LOXHD1: variants seen among roughly 807,000 people sequenced by gnomAD.
The protein encoded by LOXHD1 is lipoxygenase homology domain-containing protein 1.
Under a neutral mutation model 248.2 loss-of-function variants are expected in LOXHD1, and 205 were observed. The ratio of observed to expected loss-of-function variants is 0.83; its 90% confidence interval spans 0.74 to 0.93. LOXHD1 has a LOEUF of 0.93. LOXHD1 is among the 40% of genes least tolerant of loss of function. The pLI is 0.00. For missense variants in LOXHD1, 2,930 were observed against 2,971.6 expected, an observed-to-expected ratio of 0.99 and a Z score of 0.33; for synonymous variants, 1,113 against 1,162.8, an observed-to-expected ratio of 0.96 and a Z score of 0.87.
chr18:46,542,711 G>C lies in LOXHD1; in HGVS notation c.3748+16C>G. 3 of 1,551,428 alleles carry C rather than the reference G, an allele frequency of 1.9e-6. No homozygotes were observed. Among genetic ancestry groups the C allele is most frequent in the Non-Finnish European group, 2.6e-6 (3 of 1,146,964 alleles). On this transcript the variant is annotated intron_variant, in intron 24 of 40. Transcript: ENST00000642948. ...CTTAAAGTCTTAGCAAGGAACAGAGGGGAGGGAAGCCACACCTGTGTTGTC... is the reference window on the plus strand; with the variant it reads ...CTTAAAGTCTTAGCAAGGAACAGAGCGGAGGGAAGCCACACCTGTGTTGTC...
Position 46,477,803 on chromosome 18 carries a change from T to C in LOXHD1, c.6491A>G (p.Tyr2164Cys), listed in dbSNP as rs1169187449. The C allele has an allele frequency of 6.4e-7, 1 of 1,551,856 alleles. No individual in the cohort carries two copies. The highest frequency in any genetic ancestry group is 8.7e-7 in the Non-Finnish European group (1 of 1,147,026). ...GGCATCAGTGCCTGCCCCTGGCTCA[T>C]AGCCTGTTGTCACGATGACTTCGTA... ...VKYEVIVTTG[Y>C]EPGAGTDANV... is the part of the protein sequence containing the mutation. Residue 2164 changes from tyrosine (Y) to cysteine (C), a missense_variant, in exon 41 of 41, where the codon TAT becomes TGT. Physicochemically the swap from Tyr to Cys is radical, Grantham distance 194 (BLOSUM62 -2). Coordinates refer to ENST00000642948, the MANE Select transcript of LOXHD1 (RefSeq NM_001384474.1).
intron 11 of LOXHD1, 30 bp downstream of exon 11, chr18:46,592,468 C>A (rs549384608): frequency 6.6e-7 from 1 of 1,523,662 alleles, no homozygotes; most frequent in Admixed American, 2.0e-5. Context: ...TTCCCAACAA[C>A]CTCCCAAACC....
Position 46,560,436 on chromosome 18 carries a change from A to C in LOXHD1, c.2708T>G (p.Val903Gly), listed in dbSNP as rs375940400. 2.6e-6 allele frequency: 4 copies of C among 1,545,244 alleles called. No homozygotes were observed. The African/African-American group carries it at 5.5e-5, about 21-fold the overall frequency. ...VDTVWLRHLV[V>G]REVDLTPEEE... is the part of the protein sequence containing the mutation. ...CTCCGGCGTGAGGTCCACCTCCCGCACCACCAGGTGCCGCAGCCACACGGT... is the reference window on the plus strand; with the variant it reads ...CTCCGGCGTGAGGTCCACCTCCCGCCCCACCAGGTGCCGCAGCCACACGGT... Residue 903 changes from valine (V) to glycine (G), a missense_variant, in exon 19 of 41, where the codon GTG (valine) becomes GGG (glycine). Val to Gly is a moderately radical substitution (Grantham distance 109). Transcript: ENST00000642948.
At chr18:46,484,907 T>C (rs772839900) in intron 39 of LOXHD1, 112 bp downstream of exon 39, 14 of 1,317,840 alleles carry the variant, frequency 1.1e-5, no homozygotes, top group Non-Finnish European at 1.4e-5. Flanking sequence ...CAGTAAGTAC[T>C]TGCTGGTTAG....
At position 46,591,019 on chromosome 18, in the gene LOXHD1, C is replaced by T. The variant is rs201497988; in HGVS notation, c.1654+914G>A. Among the ~76,000 whole-genome samples the T allele has an allele frequency of 5.9e-5, 9 of 152,274 alleles. No individual in the cohort carries two copies. In the East Asian group the frequency reaches 1.3e-3, roughly 23 times the overall value. ...GGTTTCTATGTTTATGAGTATTTAA[C>T]TCTGATCAAACTGTTTCAACAAATA... On this transcript the variant is annotated intron_variant, in intron 12 of 40. Transcript: ENST00000642948.
intron 37 of LOXHD1, 71 bp downstream of exon 37, chr18:46,505,767 G>T: frequency 1.3e-6 from 2 of 1,492,822 alleles, no homozygotes; most frequent in Non-Finnish European, 1.8e-6. Context: ...GTGCTGCCAG[G>T]GAGGGAATAA....
intron 21 of LOXHD1, among the ~76,000 whole-genome samples, chr18:46,554,405 G>A (rs2037235258): frequency 6.6e-6 from 1 of 152,176 alleles, no homozygotes; most frequent in South Asian, 2.1e-4. Flanking sequence ...GAGAGCCTAG[G>A]GAAGGCCCTA....
chr18:46,524,833 C>A lies in LOXHD1; in HGVS notation c.4615G>T (p.Asp1539Tyr). The A allele has an allele frequency of 6.4e-7, 1 of 1,551,792 alleles. No individual in the cohort carries two copies. The highest frequency in any genetic ancestry group is 1.2e-5 in the South Asian group (1 of 84,060). Reference protein sequence around the residue: ...LRHDNSKWCADWYVEKVEIWN... With the variant: ...LRHDNSKWCAYWYVEKVEIWN... ...ATCTCCACCTTCTCCACGTACCAGT[C>A]TGCGCACCACTTGGAGTTGTCATGG... The change falls in exon 30 of 41, where the codon GAC (aspartate) becomes TAC (tyrosine). Residue 1539 changes from aspartate (D) to tyrosine (Y), a missense_variant. Coordinates refer to ENST00000642948, the MANE Select transcript of LOXHD1 (RefSeq NM_001384474.1).
rs563089802 is a variant in LOXHD1 at position 46,512,851 on chromosome 18, C to T, written c.5400-3036G>A. Among the ~76,000 whole-genome samples the T allele has an allele frequency of 4.6e-5, 7 of 152,300 alleles. 1 individual carries two copies. The South Asian group carries it at 1.0e-3, about 23-fold the overall frequency. ...CCAGGGTCCTCAATGGAATACTATG[C>T]AGCAATGAAAATGAGCAAATCACAA... is the stretch of plus-strand genomic sequence containing the variant. On this transcript the variant is annotated intron_variant, in intron 34 of 40. Transcript: ENST00000642948.
chr18:46,566,338 T>C lies in LOXHD1; in HGVS notation c.2356A>G (p.Asn786Asp). 6.4e-7 allele frequency: 1 copy of C among 1,551,842 alleles called. No homozygotes were observed. The change falls in exon 17 of 41, where the codon AAC becomes GAC. Residue 786 changes from asparagine (N) to aspartate (D), a missense_variant. Coordinates refer to ENST00000642948, the MANE Select transcript of LOXHD1 (RefSeq NM_001384474.1). ...GCCTGGTTCTTGTCCAGCCAGCGGT[T>C]GGCGGGAAAGGTGTACTGCTTGCCT... The part of the protein sequence containing the change: ...RQGKQYTFPA[N>D]RWLDKNQADG...
In LOXHD1 at chr18:46,561,698, T is replaced by G. The variant is rs145950489; in HGVS notation, c.2599-1153A>C. Among the ~76,000 whole-genome samples the G allele has an allele frequency of 7.9e-5, 12 of 151,958 alleles. No homozygotes were observed. In the East Asian group the frequency reaches 1.9e-3, roughly 24 times the overall value. On this transcript the variant is annotated intron_variant, in intron 18 of 40. Coordinates refer to ENST00000642948, the MANE Select transcript of LOXHD1 (RefSeq NM_001384474.1). ...TGACCCCCTGTTCATGAGTCCACAA[T>G]GCAGTCAACAAACCACCTTTGCCAG...
intron 1 of LOXHD1, among the ~76,000 whole-genome samples, chr18:46,654,528 G>A (rs1469534305): frequency 1.3e-5 from 2 of 152,220 alleles, no homozygotes; most frequent in Non-Finnish European, 2.9e-5. Flanking sequence ...CGTTCAGCCT[G>A]CCCTCAAAGC....
intron 34 of LOXHD1, among the ~76,000 whole-genome samples, chr18:46,510,758 AAC>A (rs1256036900): frequency 6.6e-6 from 1 of 152,240 alleles, no homozygotes; most frequent in Non-Finnish European, 1.5e-5. Flanking sequence ...GTGGTGGTGA[AAC>A]AGAGACAATC....
intron 12 of LOXHD1, among the ~76,000 whole-genome samples, chr18:46,583,479 C>G (rs899684516): frequency 1.3e-5 from 2 of 151,820 alleles, no homozygotes; most frequent in Non-Finnish European, 2.9e-5. Context: ...GACTCAACAG[C>G]AAAAACAAAC....
intron 37 of LOXHD1, among the ~76,000 whole-genome samples, chr18:46,495,642 T>TA (rs2033812713): frequency 6.6e-6 from 1 of 152,198 alleles, no homozygotes; most frequent in South Asian, 2.1e-4. Flanking sequence ...CTCACAGACT[T>TA]ACTCAGTATA....
chr18:46,570,739 C>T (rs1022007928), intron 15 of LOXHD1, among the ~76,000 whole-genome samples: 1 of 152,164 alleles, frequency 6.6e-6, no homozygotes. Context: ...CAAATGATAG[C>T]TGATGAGTTA....
At chr18:46,547,175 C>T (rs2036886127) in intron 21 of LOXHD1, 117 bp from the exon 22 acceptor site, 1 of 1,171,254 alleles carries the variant, frequency 8.5e-7, no homozygotes, top group African/African-American at 1.5e-5. Flanking sequence ...CCCTGTCTGC[C>T]CCTGACAGCA....
intron 37 of LOXHD1, among the ~76,000 whole-genome samples, chr18:46,494,570 A>G (rs1460018797): frequency 6.6e-6 from 1 of 152,140 alleles, no homozygotes; most frequent in Non-Finnish European, 1.5e-5. Context: ...TTCCACAAAC[A>G]CTTTTTCACA....
chr18:46,621,783 T>C (rs1055278332), intron 4 of LOXHD1, among the ~76,000 whole-genome samples: 6 of 150,922 alleles, frequency 4.0e-5, no homozygotes, highest in African/African-American at 7.3e-5. Flanking sequence ...AGCAGGGAAA[T>C]AGGGAGAAAG....
Sources: gnomAD v4.1 joint callset for allele counts (sites outside exome capture counted in the v4.1 genomes callset) on GRCh38, gnomAD v4.1.1 for gene constraint, MANE v1.5 for transcripts, NCBI Gene and HGNC (gene_info 2026-07-23, HGNC 2026-07-21) for gene names.